KIRREL3: variants seen among roughly 807,000 people sequenced by gnomAD.
KIRREL3 encodes kirre like nephrin family adhesion molecule 3, also known as kin of IRRE-like protein 3.
Under a neutral mutation model 89.7 loss-of-function variants are expected in KIRREL3, and 36 were observed. That is an observed-to-expected ratio of 0.40 (90% CI 0.31 to 0.53). The LOEUF is 0.53. Ranked by LOEUF, KIRREL3 falls within the 20% of genes least tolerant of loss-of-function variation. KIRREL3 has a pLI of 0.49. For synonymous variants in KIRREL3, 445 were observed against 441.4 expected (o/e 1.01, Z -0.10); for missense variants, 864 against 1,056.6 (o/e 0.82, Z 2.53).
chr11:126,445,085 G>T lies in KIRREL3; in HGVS notation c.1146C>A (p.Thr382=). 1 of 1,613,996 alleles carries T rather than the reference G, an allele frequency of 6.2e-7. No individual in the cohort carries two copies. Among genetic ancestry groups the T allele is most frequent in the East Asian group, 2.2e-5 (1 of 44,880 alleles). Residue 382 remains threonine (T), a synonymous_variant, in exon 10 of 17, where the codon ACC becomes ACA. Transcript: ENST00000525144. Reference sequence around the variant, plus strand: ...CCTGGCGCACGGATTTGAGGGTCAGGGTCTTCTCATTGCTCAGGACCTAGG... The same window carrying T: ...CCTGGCGCACGGATTTGAGGGTCAGTGTCTTCTCATTGCTCAGGACCTAGG... ...GSGVVLSNEK[T]LTLKSVRQED... is the part of the protein sequence containing the mutation.
intron 1 of KIRREL3, among the ~76,000 whole-genome samples, chr11:126,958,164 T>A (rs991144491): frequency 6.6e-6 from 1 of 152,168 alleles, no homozygotes; most frequent in Non-Finnish European, 1.5e-5. Context: ...TTTCTTCTAG[T>A]AGTTGCAGTT....
At position 126,555,275 on chromosome 11, in the gene KIRREL3, A is replaced by G. The variant is rs1939615567; in HGVS notation, c.133+7560T>C. Among the ~76,000 whole-genome samples the G allele has an allele frequency of 6.6e-6, 1 of 152,148 alleles. No homozygotes were observed. Among genetic ancestry groups the G allele is most frequent in the South Asian group, 2.1e-4 (1 of 4,814 alleles). ...CCTCTCTCAAGCAGTGGCCAGAGGT[A>G]GGCTGAGTGAAACAAGCCACTCCAG... On this transcript the variant is annotated intron_variant, in intron 2 of 16. Transcript: ENST00000525144. This position sits in a 1 kb window ranked among gnomAD's most constrained non-coding sequence, Gnocchi z 4.2.
At position 126,772,920 on chromosome 11, in the gene KIRREL3, C is replaced by G. The variant is rs982795468; in HGVS notation, c.56-210008G>C. Among the ~76,000 whole-genome samples, 4 of 152,186 alleles carry G rather than the reference C, an allele frequency of 2.6e-5. No individual in the cohort carries two copies. In the East Asian group the frequency reaches 7.7e-4, roughly 29 times the overall value. ...TCTCCCCAGTGATTCTTACGGACAT[C>G]AGGACTGAGGTCCTGGGGTTCTGTC... On this transcript the variant is annotated intron_variant, in intron 1 of 16. Coordinates refer to ENST00000525144, the MANE Select transcript of KIRREL3 (RefSeq NM_032531.4). This position sits in a 1 kb window ranked among gnomAD's most constrained non-coding sequence, Gnocchi z 4.6.
At position 126,615,052 on chromosome 11, in the gene KIRREL3, G is replaced by T. The variant is rs1360596288; in HGVS notation, c.56-52140C>A. ...GCTGAAAGGCTGTCATGTGGAAGAG[G>T]GATTGGAGTGATTTGAGATGCTCTG... On this transcript the variant is annotated intron_variant, in intron 1 of 16. Transcript: ENST00000525144. This position sits in a 1 kb window ranked among gnomAD's most constrained non-coding sequence, Gnocchi z 5.4. Among the ~76,000 whole-genome samples, 1 of 152,130 alleles carries T rather than the reference G, an allele frequency of 6.6e-6. No homozygotes were observed. Among genetic ancestry groups the T allele is most frequent in the Admixed American group, 6.5e-5 (1 of 15,278 alleles).
intron 1 of KIRREL3, among the ~76,000 whole-genome samples, chr11:126,968,898 C>G (rs1163279130): frequency 1.3e-5 from 2 of 152,160 alleles, no homozygotes; most frequent in African/African-American, 2.4e-5. Flanking sequence ...CTGTACCTCT[C>G]TGAGACTCAG....
Position 126,811,971 on chromosome 11 carries a change from C to T in KIRREL3, c.55+188484G>A, listed in dbSNP as rs888180824. 4.6e-5 allele frequency among the ~76,000 whole-genome samples: 7 copies of T among 152,170 alleles called. No individual in the cohort carries two copies. The highest frequency in any genetic ancestry group is 5.9e-5 in the Non-Finnish European group (4 of 68,026). On this transcript the variant is annotated intron_variant, in intron 1 of 16. Transcript: ENST00000525144. The surrounding 1 kb of genome is among the most constrained non-coding windows in gnomAD (Gnocchi z 4.3). ...GACAATCTCTGAATTCAGCCCTCCC[C>T]GTCCCCCAGCACTGGTATTGACATA...
Position 126,770,886 on chromosome 11 carries a change from A to G in KIRREL3, c.56-207974T>C, listed in dbSNP as rs1949998980. ...AATCTCACTCTGTCACCCAGGCTGG[A>G]GTGGAGTGGTGCGATCTCGGCTCAC... On this transcript the variant is annotated intron_variant, in intron 1 of 16. Transcript: ENST00000525144. 2.0e-5 allele frequency among the ~76,000 whole-genome samples: 3 copies of G among 152,164 alleles called. No individual in the cohort carries two copies. In the South Asian group the frequency reaches 6.2e-4, roughly 32 times the overall value.
In KIRREL3 at chr11:126,440,561, C is replaced by A; in HGVS notation, c.1253-12G>T. 1 of 1,585,588 alleles carries A rather than the reference C, an allele frequency of 6.3e-7. No homozygotes were observed. The highest frequency in any genetic ancestry group is 8.6e-7 in the Non-Finnish European group (1 of 1,166,104). On this transcript the variant is annotated splice_polypyrimidine_tract_variant and intron_variant, in intron 10 of 16. Coordinates refer to ENST00000525144, the MANE Select transcript of KIRREL3 (RefSeq NM_032531.4). ...GATGATGGGGGGTCCTGTTGAGAAA[C>A]AGCGTCCCATTAGGCACCCGGGAAG...
In KIRREL3 at chr11:126,923,176, C is replaced by CTCT. The variant is rs1555090237; in HGVS notation, c.55+77276_55+77278dup. On this transcript the variant is annotated intron_variant, in intron 1 of 16. Transcript: ENST00000525144. ...TCTTCTTCTTCTTCTTCTTCTTCTTCTCTTCTTCTTCTCTTCTTCTTCTTC... is the reference window on the plus strand; with the variant it reads ...TCTTCTTCTTCTTCTTCTTCTTCTTCTCTTCTTCTTCTTCTCTTCTTCTTCTTC... 6.0e-3 allele frequency among the ~76,000 whole-genome samples: 108 copies of CTCT among 17,982 alleles called. 35 individuals are homozygous for CTCT. The highest frequency in any genetic ancestry group is 0.091 in the Middle Eastern group (2 of 22). 11.8% of individuals were successfully genotyped at this position (17,982 alleles called of 152,430 possible). A position where few individuals can be genotyped will look rare whatever the true frequency, so the allele number is the denominator to read the frequency against.
intron 4 of KIRREL3, among the ~76,000 whole-genome samples, chr11:126,511,047 C>CTCTG (rs745898428): frequency 3.2e-4 from 46 of 142,266 alleles, no homozygotes; most frequent in African/African-American, 7.6e-4. Flanking sequence ...ATCTGCAGTG[C>CTCTG]TGTGTGTGTG....
chr11:126,618,754 G>A (rs964273814), intron 1 of KIRREL3, among the ~76,000 whole-genome samples: 2 of 152,182 alleles, frequency 1.3e-5, no homozygotes, highest in Non-Finnish European at 2.9e-5. Context: ...ATAGCAATGC[G>A]AGAACAACCT....
intron 1 of KIRREL3, among the ~76,000 whole-genome samples, chr11:126,632,564 G>A (rs922578899): frequency 1.1e-4 from 16 of 152,202 alleles, no homozygotes; most frequent in Non-Finnish European, 7.3e-5. Flanking sequence ...CCACTCGTAA[G>A]TAATTGTGAC....
chr11:126,937,613 G>A (rs1948247673), intron 1 of KIRREL3, among the ~76,000 whole-genome samples: 1 of 152,162 alleles, frequency 6.6e-6, no homozygotes, highest in Non-Finnish European at 1.5e-5. Flanking sequence ...TAAAAAAACA[G>A]CAGTTGGCCG....
chr11:126,770,638 ACT>A (rs1949991487), intron 1 of KIRREL3, among the ~76,000 whole-genome samples: 1 of 152,028 alleles, frequency 6.6e-6, no homozygotes, highest in Non-Finnish European at 1.5e-5. Context: ...CCACTCAGAC[ACT>A]CTGCACAGAG....
chr11:126,836,553 A>T (rs976955251), intron 1 of KIRREL3, among the ~76,000 whole-genome samples: 1 of 152,246 alleles, frequency 6.6e-6, no homozygotes, highest in Admixed American at 6.5e-5. Context: ...GGACTCCTAG[A>T]GGATAAAGTT....
chr11:126,582,587 T>G (rs1362452235), intron 1 of KIRREL3, among the ~76,000 whole-genome samples: 1 of 152,104 alleles, frequency 6.6e-6, no homozygotes, highest in Non-Finnish European at 1.5e-5. Flanking sequence ...AGCAGGCGGA[T>G]GGATGACCTT....
chr11:126,962,166 A>G (rs1949110137), intron 1 of KIRREL3, among the ~76,000 whole-genome samples: 1 of 152,228 alleles, frequency 6.6e-6, no homozygotes, highest in Non-Finnish European at 1.5e-5. Context: ...TTCAAGTCTC[A>G]TTATTTAAAA....
chr11:126,821,351 A>ATATATATATATATATATATATATGTGTG (rs756545626), intron 1 of KIRREL3, among the ~76,000 whole-genome samples: 1 of 105,260 alleles, frequency 9.5e-6, no homozygotes, highest in Non-Finnish European at 1.9e-5. Flanking sequence ...ATATATATAT[A>ATATATATATATATATATATATATGTGTG]TGTAACTTCC....
chr11:126,431,668 C>G lies in KIRREL3; in HGVS notation c.1589-142G>C, dbSNP rs1021400640. 6.3e-6 allele frequency: 5 copies of G among 798,364 alleles called. No homozygotes were observed. The Admixed American group carries it at 8.9e-5, about 14-fold the overall frequency. The allele number at this position is 798,364 out of a possible 1,614,324, so 49.5% of individuals were successfully genotyped here. On this transcript the variant is annotated intron_variant, in intron 13 of 16. Coordinates refer to ENST00000525144, the MANE Select transcript of KIRREL3 (RefSeq NM_032531.4). The surrounding 1 kb of genome is among the most constrained non-coding windows in gnomAD (Gnocchi z 7.1). ...TGCCTCAGTGGGGCCTGGGCAGGCACAGGCCGAGTCCAACTGGGGTCAGCT... is the reference window on the plus strand; with the variant it reads ...TGCCTCAGTGGGGCCTGGGCAGGCAGAGGCCGAGTCCAACTGGGGTCAGCT...
Sources: gnomAD v4.1 joint callset for allele counts (sites outside exome capture counted in the v4.1 genomes callset) on GRCh38, gnomAD v4.1.1 for gene constraint, Gnocchi (gnomAD v3.1) non-coding constraint, MANE v1.5 for transcripts, NCBI Gene and HGNC (gene_info 2026-07-23, HGNC 2026-07-21) for gene names.